Variants in SYT1 observed in about 807,000 individuals in gnomAD.
SYT1 encodes synaptotagmin 1, also known as synaptotagmin-1.
Under a neutral mutation model 44.8 loss-of-function variants are expected in SYT1, and 8 were observed. The observed-to-expected ratio is 0.18, with a 90% CI of 0.10 to 0.32. SYT1 has a LOEUF of 0.32. Ranked by LOEUF, SYT1 falls within the 10% of genes least tolerant of loss-of-function variation. The pLI, the probability that SYT1 is intolerant of heterozygous loss-of-function variation, is 1.00. For missense variants in SYT1, 286 were observed against 509.3 expected (o/e 0.56, Z 4.22); for synonymous variants, 154 against 188.8 (o/e 0.82, Z 1.51).
intron 8 of SYT1, among the ~76,000 whole-genome samples, chr12:79,316,595 G>T (rs1167820402): frequency 6.6e-6 from 1 of 152,158 alleles, no homozygotes; most frequent in Non-Finnish European, 1.5e-5. Flanking sequence ...CTACTGTACA[G>T]GCTTCAGTCA....
chr12:78,899,873 A>G (rs1490160956), intron 1 of SYT1, among the ~76,000 whole-genome samples: 3 of 152,060 alleles, frequency 2.0e-5, no homozygotes. Flanking sequence ...ATTTTCCAAG[A>G]TGAAGTTCTT....
chr12:79,085,037 T>C (rs1203606768), intron 3 of SYT1, among the ~76,000 whole-genome samples: 1 of 152,182 alleles, frequency 6.6e-6, no homozygotes, highest in Non-Finnish European at 1.5e-5. Flanking sequence ...GATAATTTTA[T>C]ACAATATTTT....
intron 3 of SYT1, among the ~76,000 whole-genome samples, chr12:79,093,764 A>C (rs547356249): frequency 6.6e-6 from 1 of 151,738 alleles, no homozygotes; most frequent in South Asian, 2.1e-4. Context: ...CTCACCAAAA[A>C]CACATCCTAG....
At chr12:79,189,171 A>T (rs574802665) in intron 3 of SYT1, among the ~76,000 whole-genome samples, 14 of 152,194 alleles carry the variant, frequency 9.2e-5, no homozygotes, top group African/African-American at 2.9e-4. Flanking sequence ...CCTCCTCTAA[A>T]ATTAGGAGGC....
At chr12:79,156,339 T>C (rs1199625992) in intron 3 of SYT1, among the ~76,000 whole-genome samples, 3 of 152,188 alleles carry the variant, frequency 2.0e-5, no homozygotes, top group Non-Finnish European at 4.4e-5. Context: ...ATTATCTGTG[T>C]ATGTGTGTAA....
rs186768140 is a variant in SYT1, at chr12:79,104,223, C to T, written c.-18+56861C>T. On this transcript the variant is annotated intron_variant, in intron 3 of 10. Transcript: ENST00000261205. The stretch of plus-strand genomic sequence containing the variant: ...TCATCTCAATGTGTCCTTCAAAATA[C>T]AGAGTTCTTTTTTCAAATTTAATAG... Among the ~76,000 whole-genome samples the T allele has an allele frequency of 5.0e-3, 750 of 150,468 alleles. 5 individuals are homozygous for T. The highest frequency in any genetic ancestry group is 7.7e-3 in the Non-Finnish European group (519 of 67,698).
chr12:78,876,897 T>TTATATGTATTATATATTA (rs1565697923), intron 1 of SYT1, among the ~76,000 whole-genome samples: 8 of 11,128 alleles, frequency 7.2e-4, no homozygotes, highest in South Asian at 3.0e-3. Context: ...ATAATATATA[T>TTATATGTATTATATATTA]TATATATTAT....
chr12:79,436,271 A>G (rs1870085333), intron 9 of SYT1, among the ~76,000 whole-genome samples: 1 of 152,166 alleles, frequency 6.6e-6, no homozygotes, highest in Admixed American at 6.6e-5. Context: ...TCTTTATCCA[A>G]CACTGTAAGT....
intron 2 of SYT1, among the ~76,000 whole-genome samples, chr12:79,001,134 G>A (rs1244134466): frequency 6.6e-6 from 1 of 151,924 alleles, no homozygotes; most frequent in African/African-American, 2.4e-5. Flanking sequence ...GAGATTTCTA[G>A]TTTAAACTTT....
chr12:79,117,550 C>G (rs1464790537), intron 3 of SYT1, among the ~76,000 whole-genome samples: 1 of 150,242 alleles, frequency 6.7e-6, no homozygotes, highest in African/African-American at 2.4e-5. Context: ...CAGTTTCAGG[C>G]CTGATAGACC....
intron 9 of SYT1, among the ~76,000 whole-genome samples, chr12:79,443,731 T>C (rs965700746): frequency 2.0e-4 from 30 of 152,188 alleles, no homozygotes; most frequent in Non-Finnish European, 7.3e-5. Context: ...GCAAGCCAAT[T>C]GTTAAGCTTA....
rs140111664 is a variant in SYT1 at position 79,365,513 on chromosome 12, A to G, written c.928+11894A>G. On this transcript the variant is annotated intron_variant, in intron 9 of 10. Coordinates refer to ENST00000261205, the MANE Select transcript of SYT1 (RefSeq NM_005639.3). ...TAAATGCCATAAATGAATTTGAAAGATGAGTAACACACGAAAAGAAAGCTT... is the reference window on the plus strand; with the variant it reads ...TAAATGCCATAAATGAATTTGAAAGGTGAGTAACACACGAAAAGAAAGCTT... Among the ~76,000 whole-genome samples the G allele has an allele frequency of 1.9e-3, 287 of 152,264 alleles. 3 individuals are homozygous for G. The highest frequency in any genetic ancestry group is 6.5e-3 in the African/African-American group (270 of 41,566).
intron 10 of SYT1, among the ~76,000 whole-genome samples, chr12:79,447,145 A>G (rs1398422048): frequency 6.6e-6 from 1 of 152,118 alleles, no homozygotes; most frequent in Non-Finnish European, 1.5e-5. Context: ...AATACATTAG[A>G]CATGGAAATA....
At chr12:79,173,883 C>A (rs61927328) in intron 3 of SYT1, among the ~76,000 whole-genome samples, 1 of 151,908 alleles carries the variant, frequency 6.6e-6, no homozygotes, top group African/African-American at 2.4e-5. Context: ...TTAGCAAGTG[C>A]CGTAATGTAT....
At chr12:78,893,141 C>A (rs1875148889) in intron 1 of SYT1, among the ~76,000 whole-genome samples, 1 of 151,710 alleles carries the variant, frequency 6.6e-6, no homozygotes, top group African/African-American at 2.4e-5. Flanking sequence ...AAATGAAAAC[C>A]AATTCCTGGG....
intron 1 of SYT1, among the ~76,000 whole-genome samples, chr12:78,956,115 A>C (rs1192168238): frequency 6.6e-6 from 1 of 151,976 alleles, no homozygotes; most frequent in Non-Finnish European, 1.5e-5. Flanking sequence ...TTTTGAATGG[A>C]AATGTGGTAT....
intron 2 of SYT1, among the ~76,000 whole-genome samples, chr12:79,014,170 G>GAAAATA (rs1695421578): frequency 8.6e-6 from 1 of 116,836 alleles, no homozygotes; most frequent in South Asian, 2.9e-4. Flanking sequence ...AAAAGGAAAA[G>GAAAATA]AAAATAAGCC....
chr12:79,326,911 T>A (rs572882762), intron 8 of SYT1, among the ~76,000 whole-genome samples: 1 of 152,336 alleles, frequency 6.6e-6, no homozygotes, highest in South Asian at 2.1e-4. Context: ...AGGGATCAGA[T>A]GACCAAAATG....
chr12:78,988,412 T>C (rs1439216193), intron 2 of SYT1, among the ~76,000 whole-genome samples: 1 of 146,158 alleles, frequency 6.8e-6, no homozygotes. Context: ...ATATTATATA[T>C]AATAAATATT....
Sources: gnomAD v4.1 joint callset for allele counts (sites outside exome capture counted in the v4.1 genomes callset) on GRCh38, gnomAD v4.1.1 for gene constraint, MANE v1.5 for transcripts, NCBI Gene and HGNC (gene_info 2026-07-23, HGNC 2026-07-21) for gene names.